ESRRG: variants seen among roughly 807,000 people sequenced by gnomAD.
ESRRG encodes estrogen related receptor gamma, also known as estrogen-related receptor gamma.
Under a neutral mutation model 44.0 loss-of-function variants are expected in ESRRG, and 13 were observed. The observed-to-expected ratio is 0.30, with a 90% CI of 0.19 to 0.47. ESRRG has a LOEUF of 0.47. Ranked by LOEUF, ESRRG falls within the 20% of genes least tolerant of loss-of-function variation. The pLI is 1.00. For missense variants in ESRRG, 395 were observed against 580.6 expected (o/e 0.68, Z 3.29); for synonymous variants, 215 against 214.6 (o/e 1.00, Z -0.02).
chr1:216,965,827 G>A (rs1371902749), intron 1 of ESRRG, among the ~76,000 whole-genome samples: 3 of 152,174 alleles, frequency 2.0e-5, no homozygotes, highest in Non-Finnish European at 4.4e-5. Flanking sequence ...TGTTGCCATG[G>A]TCTGGTGCAC....
At chr1:216,596,737 G>A (rs991128329) in intron 3 of ESRRG, among the ~76,000 whole-genome samples, 1 of 152,132 alleles carries the variant, frequency 6.6e-6, no homozygotes, top group Non-Finnish European at 1.5e-5. Flanking sequence ...CCCAGCTTAG[G>A]CTTCCTCGTC....
intron 2 of ESRRG, among the ~76,000 whole-genome samples, chr1:216,764,571 G>GC (rs1040224329): frequency 7.2e-4 from 79 of 109,130 alleles, no homozygotes; most frequent in Middle Eastern, 4.9e-3. Context: ...GCCCGGCCCA[G>GC]GGGGGGACTC....
At chr1:216,785,915 A>T (rs1237155276) in intron 2 of ESRRG, among the ~76,000 whole-genome samples, 1 of 152,138 alleles carries the variant, frequency 6.6e-6, no homozygotes, top group Non-Finnish European at 1.5e-5. Context: ...CATGGCAACA[A>T]ATCATAACAT....
chr1:217,081,221 CTT>C (rs143325476), intron 1 of ESRRG, among the ~76,000 whole-genome samples: 13 of 70,410 alleles, frequency 1.8e-4, no homozygotes, highest in South Asian at 6.3e-4. Flanking sequence ...TAAAAATATT[CTT>C]TTTTTTTTTT....
At chr1:216,523,985 T>C (rs2148994973) in intron 5 of ESRRG, among the ~76,000 whole-genome samples, 1 of 152,164 alleles carries the variant, frequency 6.6e-6, no homozygotes, top group South Asian at 2.1e-4. Flanking sequence ...GCTAGATTCT[T>C]TTCTTTCCCG....
At chr1:216,804,405 C>G (rs2094720357) in intron 2 of ESRRG, among the ~76,000 whole-genome samples, 1 of 152,274 alleles carries the variant, frequency 6.6e-6, no homozygotes, top group African/African-American at 2.4e-5. Context: ...CTACTTCCAA[C>G]TTGTGCTCAG....
At chr1:216,786,456 G>A (rs2094130342) in intron 2 of ESRRG, among the ~76,000 whole-genome samples, 1 of 152,058 alleles carries the variant, frequency 6.6e-6, no homozygotes, top group African/African-American at 2.4e-5. Context: ...AGTAAATGTG[G>A]GGTTAACACC....
Position 216,687,645 on chromosome 1 carries a change from G to A in ESRRG, c.57-10154C>T, listed in dbSNP as rs77080810. 9.6e-3 allele frequency among the ~76,000 whole-genome samples: 1,459 copies of A among 152,222 alleles called. 20 individuals carry two copies. Among genetic ancestry groups the A allele is most frequent in the African/African-American group, 0.033 (1,379 of 41,548 alleles). ...CAGTGCTCCTGGTCTCTCATTTAGC[G>A]TCTCCTACATCTGAAGATTGCATTT... On this transcript the variant is annotated intron_variant, in intron 1 of 6. Transcript: ENST00000408911.
intron 1 of ESRRG, among the ~76,000 whole-genome samples, chr1:216,972,554 A>G (rs1259916072): frequency 6.6e-6 from 1 of 152,198 alleles, no homozygotes; most frequent in Non-Finnish European, 1.5e-5. Flanking sequence ...AATGTGTCAC[A>G]TTGACTCTGC....
chr1:216,802,778 C>T (rs957404593), intron 2 of ESRRG, among the ~76,000 whole-genome samples: 1 of 152,072 alleles, frequency 6.6e-6, no homozygotes, highest in African/African-American at 2.4e-5. Context: ...TGCTAAGCAC[C>T]AGGCTGGGAA....
chr1:216,512,908 C>T (rs189442757), intron 6 of ESRRG, among the ~76,000 whole-genome samples: 1 of 152,242 alleles, frequency 6.6e-6, no homozygotes, highest in East Asian at 1.9e-4. Flanking sequence ...AATGCTACTG[C>T]TGGCTTTAAA....
intron 1 of ESRRG, among the ~76,000 whole-genome samples, chr1:216,717,456 C>A (rs938548988): frequency 2.0e-5 from 3 of 151,808 alleles, no homozygotes; most frequent in African/African-American, 7.2e-5. Flanking sequence ...TCATTTCCCA[C>A]CCTCAGATAA....
At chr1:216,750,750 A>G (rs574724324) in intron 2 of ESRRG, among the ~76,000 whole-genome samples, 89 of 87,558 alleles carry the variant, frequency 1.0e-3, no homozygotes, top group African/African-American at 2.8e-3. Flanking sequence ...CACTAAAGAG[A>G]GTTATTTACC....
chr1:216,908,385 C>T (rs574804671), intron 2 of ESRRG, among the ~76,000 whole-genome samples: 36 of 152,272 alleles, frequency 2.4e-4, no homozygotes, highest in South Asian at 4.1e-4. Context: ...TGCCCTCAGA[C>T]GTCAGGGCTA....
At chr1:216,903,449 G>C (rs796101513) in intron 2 of ESRRG, among the ~76,000 whole-genome samples, 1 of 151,798 alleles carries the variant, frequency 6.6e-6, no homozygotes, top group African/African-American at 2.4e-5. Context: ...GTGTGTGTGT[G>C]TGTGTGTGTC....
At chr1:216,563,011 A>C (rs2059065597) in intron 5 of ESRRG, among the ~76,000 whole-genome samples, 1 of 152,162 alleles carries the variant, frequency 6.6e-6, no homozygotes, top group African/African-American at 2.4e-5. Context: ...AAATATCCAC[A>C]CAATCAAATT....
At chr1:216,943,364 G>A (rs1191959525) in intron 1 of ESRRG, among the ~76,000 whole-genome samples, 1 of 152,148 alleles carries the variant, frequency 6.6e-6, no homozygotes, top group East Asian at 1.9e-4. Context: ...CTGCATTGTT[G>A]CAGGAACCTT....
At chr1:216,568,625 G>A (rs1403545292) in intron 3 of ESRRG, among the ~76,000 whole-genome samples, 1 of 152,186 alleles carries the variant, frequency 6.6e-6, no homozygotes, top group Non-Finnish European at 1.5e-5. Context: ...TCAGTCCTGA[G>A]AGACGCAAGA....
Position 216,861,581 on chromosome 1 carries a change from T to C in ESRRG, c.-14+78001A>G, listed in dbSNP as rs141590089. Among the ~76,000 whole-genome samples, 3 of 152,224 alleles carry C rather than the reference T, an allele frequency of 2.0e-5. No individual in the cohort carries two copies. The East Asian group carries it at 5.8e-4, about 29-fold the overall frequency. On this transcript the variant is annotated intron_variant, in intron 2 of 7. Transcript: ENST00000359162. ...GATAAAAAAGCGAAATTCAACTATA[T>C]GTTTCCCACAAAAATAAATACACAT...
Sources: gnomAD v4.1 joint callset for allele counts (sites outside exome capture counted in the v4.1 genomes callset) on GRCh38, gnomAD v4.1.1 for gene constraint, MANE v1.5 for transcripts, NCBI Gene and HGNC (gene_info 2026-07-23, HGNC 2026-07-21) for gene names.